The following ABCG1 variants were observed in gnomAD, a reference collection of about 807,000 sequenced individuals.
ABCG1 encodes the protein ATP-binding cassette sub-family G member 1.
Under a neutral mutation model 69.2 loss-of-function variants are expected in ABCG1, and 29 were observed. The observed-to-expected ratio is 0.42, with a 90% confidence interval of 0.31 to 0.57. The LOEUF is 0.57. Ranked by LOEUF, ABCG1 falls within the 20% of genes least tolerant of loss-of-function variation. The pLI is 0.15. For synonymous variants in ABCG1, 370 were observed against 374.8 expected (o/e 0.99, Z 0.15); for missense variants, 718 against 898.1 (o/e 0.80, Z 2.56).
At chr21:42,284,310 C>T (rs2068894640) in intron 6 of ABCG1, among the ~76,000 whole-genome samples, 1 of 150,996 alleles carries the variant, frequency 6.6e-6, no homozygotes, top group Non-Finnish European at 1.5e-5. Context: ...TGGACTCTGG[C>T]AGCAAGGCTC....
chr21:42,281,724 AT>A (rs746197563), intron 5 of ABCG1, among the ~76,000 whole-genome samples: 1 of 152,018 alleles, frequency 6.6e-6, no homozygotes, highest in Non-Finnish European at 1.5e-5. Flanking sequence ...CCTGCCCTTA[AT>A]GCCTACCTCA....
chr21:42,219,164 C>G lies in ABCG1; in HGVS notation c.-99C>G. 16 of 1,111,914 alleles carry G rather than the reference C, an allele frequency of 1.4e-5. No individual in the cohort carries two copies. Among genetic ancestry groups the G allele is most frequent in the South Asian group, 3.9e-5 (1 of 25,460 alleles). The allele number at this position is 1,111,914 out of a possible 1,614,324, so 68.9% of individuals were successfully genotyped here. On this transcript the variant is annotated 5_prime_UTR_variant, in exon 1 of 15. Transcript: ENST00000398449. This position sits in a 1 kb window ranked among gnomAD's most constrained non-coding sequence, Gnocchi z 5.3. ...CGGAGCCCAAGCGCAGCCCGCACCC[C>G]GCGCAGCGGCTGAGCCGGGAGCCAG...
chr21:42,238,380 G>T (rs148580434), intron 2 of ABCG1, among the ~76,000 whole-genome samples: 1 of 152,276 alleles, frequency 6.6e-6, no homozygotes, highest in East Asian at 1.9e-4. Context: ...GCTCCCTGGA[G>T]TTGTCCTCCA....
Position 42,219,832 on chromosome 21 carries a change from G to A in ABCG1, c.42+528G>A. 1.4e-6 allele frequency: 2 copies of A among 1,472,736 alleles called. No individual in the cohort carries two copies. Among genetic ancestry groups the A allele is most frequent in the South Asian group, 1.3e-5 (1 of 74,936 alleles). 91.2% of individuals were successfully genotyped at this position (1,472,736 alleles called of 1,614,324 possible). A position where few individuals can be genotyped will look rare whatever the true frequency, so the allele number is the denominator to read the frequency against. On this transcript the variant is annotated intron_variant, in intron 1 of 14. Transcript: ENST00000398449. The surrounding 1 kb of genome is among the most constrained non-coding windows in gnomAD (Gnocchi z 5.3). ...CCCCAGAGAGCCGGAGCCTGCGACT[G>A]CACTCCCGGGGACACCCTCTCCCGG...
chr21:42,225,972 A>C, intron 2 of ABCG1, 58 bp downstream of exon 2: 3 of 1,579,700 alleles, frequency 1.9e-6, no homozygotes, highest in South Asian at 1.1e-5. Flanking sequence ...AGGAGGCAAC[A>C]GGTTGTTTGG....
chr21:42,270,973 T>C, intron 2 of ABCG1, 97 bp from the exon 3 acceptor site: 1 of 728,328 alleles, frequency 1.4e-6, no homozygotes, highest in Non-Finnish European at 2.1e-6. Context: ...ATGTCAAAGG[T>C]TGCCTTTGGC....
At chr21:42,271,648 G>A (rs1034243806) in intron 3 of ABCG1, among the ~76,000 whole-genome samples, 1 of 152,198 alleles carries the variant, frequency 6.6e-6, no homozygotes, top group Non-Finnish European at 1.5e-5. Flanking sequence ...TTGGGAGGCC[G>A]AGGTGGGCGG....
intron 2 of ABCG1, among the ~76,000 whole-genome samples, chr21:42,254,338 C>T (rs1308470688): frequency 1.3e-5 from 2 of 152,214 alleles, no homozygotes; most frequent in Admixed American, 6.5e-5. Flanking sequence ...ATCAGCTGTT[C>T]TCCTGGCGCC....
chr21:42,295,594 CTCT>C (rs1369922780), intron 14 of ABCG1, among the ~76,000 whole-genome samples: 2 of 152,190 alleles, frequency 1.3e-5, no homozygotes, highest in African/African-American at 2.4e-5. Context: ...TGGGAACAAG[CTCT>C]TCTTCTCTAG....
intron 2 of ABCG1, among the ~76,000 whole-genome samples, chr21:42,260,897 C>T (rs2068397521): frequency 2.0e-5 from 3 of 152,114 alleles, no homozygotes; most frequent in African/African-American, 4.8e-5. Context: ...CAGCTCACTG[C>T]AACCTCCTCC....
Position 42,271,223 on chromosome 21 carries a change from C to T in ABCG1, c.404+36C>T, listed in dbSNP as rs201627396. On this transcript the variant is annotated intron_variant, in intron 3 of 14. Coordinates refer to ENST00000398449, the MANE Select transcript of ABCG1 (RefSeq NM_016818.3). Reference sequence around the variant, plus strand: ...CTGCCCAGGGCGCAAAGTTCTCTCCCGGGTGTCAGGCCAGCAGTGGGAACA... The same window carrying T: ...CTGCCCAGGGCGCAAAGTTCTCTCCTGGGTGTCAGGCCAGCAGTGGGAACA... 232 of 1,387,352 alleles carry T rather than the reference C, an allele frequency of 1.7e-4. 1 individual carries two copies. The highest frequency in any genetic ancestry group is 1.4e-4 in the Non-Finnish European group (148 of 1,035,918). 85.9% of individuals were successfully genotyped at this position (1,387,352 alleles called of 1,614,324 possible). A position where few individuals can be genotyped will look rare whatever the true frequency, so the allele number is the denominator to read the frequency against.
chr21:42,248,200 C>T (rs225372), intron 2 of ABCG1, among the ~76,000 whole-genome samples: 16,404 of 152,158 alleles, frequency 0.11, 2,909 homozygotes, highest in African/African-American at 0.37. Context: ...TCATGATCTC[C>T]GTCGTCATCT....
chr21:42,217,756 A>G (rs1337063057), upstream of ABCG1, among the ~76,000 whole-genome samples: 4 of 130,132 alleles, frequency 3.1e-5, no homozygotes, highest in Non-Finnish European at 6.1e-5. Flanking sequence ...CAGTGGCTCA[A>G]TCTCGGCTCA....
At chr21:42,244,485 A>T (rs954746388) in intron 2 of ABCG1, among the ~76,000 whole-genome samples, 1 of 152,212 alleles carries the variant, frequency 6.6e-6, no homozygotes, top group Non-Finnish European at 1.5e-5. Context: ...AAGCTAAAAG[A>T]CTTCAAAAGC....
At chr21:42,244,200 G>T (rs2068099069) in intron 2 of ABCG1, among the ~76,000 whole-genome samples, 1 of 152,172 alleles carries the variant, frequency 6.6e-6, no homozygotes, top group African/African-American at 2.4e-5. Context: ...ATTTGCAGAG[G>T]CTGGAACATG....
intron 2 of ABCG1, among the ~76,000 whole-genome samples, chr21:42,263,878 C>A (rs543551318): frequency 6.6e-6 from 1 of 152,236 alleles, no homozygotes; most frequent in African/African-American, 2.4e-5. Flanking sequence ...CACGGCGTTG[C>A]CTGAGACGGG....
chr21:42,218,171 G>A (rs1569203870), upstream of ABCG1, among the ~76,000 whole-genome samples: 2 of 152,334 alleles, frequency 1.3e-5, no homozygotes, highest in South Asian at 4.1e-4. Flanking sequence ...TGGCTCATCT[G>A]AGGTGTGGTT....
Position 42,285,929 on chromosome 21 carries a change from A to G in ABCG1, c.908A>G (p.Asn303Ser), listed in dbSNP as rs1435423490. The stretch of plus-strand genomic sequence containing the variant: ...TGTGTGTACCGGGGAAAAGTCTGCA[A>G]TCTTGTGCCATATTTGAGGGATTTG... The part of the protein sequence containing the change: ...GQCVYRGKVC[N>S]LVPYLRDLGL... The change falls in exon 8 of 15, where the codon AAT becomes AGT. Residue 303 changes from asparagine to serine, a missense_variant. Physicochemically the swap from Asn to Ser is conservative, Grantham distance 46. Transcript: ENST00000398449. 6.2e-7 allele frequency: 1 copy of G among 1,613,954 alleles called. No homozygotes were observed. The highest frequency in any genetic ancestry group is 1.3e-5 in the African/African-American group (1 of 74,858).
chr21:42,250,045 C>A (rs1419640817), intron 2 of ABCG1, among the ~76,000 whole-genome samples: 1 of 149,328 alleles, frequency 6.7e-6, no homozygotes, highest in Non-Finnish European at 1.5e-5. Flanking sequence ...AGAGTCCTCA[C>A]TGGGTGAGGA....
Sources: allele counts gnomAD v4.1 joint callset (sites outside exome capture counted in the v4.1 genomes callset), GRCh38; gene constraint gnomAD v4.1.1; non-coding constraint Gnocchi (gnomAD v3.1); transcripts MANE v1.5; gene names NCBI Gene and HGNC (gene_info 2026-07-23, HGNC 2026-07-21).